The following IMMP2L variants were observed in gnomAD, a reference collection of about 807,000 sequenced individuals.
IMMP2L encodes inner mitochondrial membrane peptidase subunit 2.
Under a neutral mutation model 19.3 loss-of-function variants are expected in IMMP2L, and 18 were observed. The ratio of observed to expected loss-of-function variants is 0.93; its 90% CI spans 0.64 to 1.38. The LOEUF is 1.38. Among genes scored for constraint, IMMP2L ranks in the 40% most tolerant of loss-of-function variants. The probability of loss-of-function intolerance (pLI) is 0.00; values close to 1 mark genes in which losing one functional copy is unlikely to be tolerated. For missense variants in IMMP2L, 233 were observed against 218.2 expected, an observed-to-expected ratio of 1.07 and a Z score of -0.43; for synonymous variants, 76 against 73.0, an observed-to-expected ratio of 1.04 and a Z score of -0.21.
intron 4 of IMMP2L, among the ~76,000 whole-genome samples, chr7:110,914,561 C>T (rs750044167): frequency 6.6e-6 from 1 of 152,128 alleles, no homozygotes; most frequent in Non-Finnish European, 1.5e-5. Context: ...TTCTTTGGGA[C>T]ATCGTCCCCA....
chr7:110,731,433 T>C (rs1796271853), intron 5 of IMMP2L, among the ~76,000 whole-genome samples: 1 of 152,196 alleles, frequency 6.6e-6, no homozygotes, highest in South Asian at 2.1e-4. Flanking sequence ...TTTATTATTG[T>C]TATTATTCCC....
At chr7:111,508,202 CA>C (rs1427866642) in intron 2 of IMMP2L, among the ~76,000 whole-genome samples, 1 of 150,680 alleles carries the variant, frequency 6.6e-6, no homozygotes, top group African/African-American at 2.4e-5. Context: ...AATTCACTGA[CA>C]AAAAAATAAA....
rs190384181 is a variant in IMMP2L at position 110,931,937 on chromosome 7, G to A, written c.305+31563C>T. ...TCGCTACCTTAAATACAGACCCTAT[G>A]TTCTCACAGGACTACATCTTTCTTC... On this transcript the variant is annotated intron_variant, in intron 4 of 5. Transcript: ENST00000405709. Among the ~76,000 whole-genome samples, 106 of 152,150 alleles carry A rather than the reference G, an allele frequency of 7.0e-4. 1 individual carries two copies. The highest frequency in any genetic ancestry group is 2.5e-3 in the African/African-American group (103 of 41,498).
chr7:111,324,529 A>C (rs1450212674), intron 3 of IMMP2L, among the ~76,000 whole-genome samples: 1 of 151,912 alleles, frequency 6.6e-6, no homozygotes. Flanking sequence ...TTGAGAAAAG[A>C]TGCTATAAAA....
chr7:111,225,026 C>A (rs1812927253), intron 3 of IMMP2L, among the ~76,000 whole-genome samples: 2 of 152,106 alleles, frequency 1.3e-5, no homozygotes, highest in South Asian at 4.1e-4. Flanking sequence ...GTTTAAGGAA[C>A]AGCACTCCTG....
intron 2 of IMMP2L, among the ~76,000 whole-genome samples, chr7:111,512,004 CATG>C (rs1195402141): frequency 6.6e-6 from 1 of 152,078 alleles, no homozygotes; most frequent in Non-Finnish European, 1.5e-5. Flanking sequence ...ATAAATGTAC[CATG>C]CCACTCAGCA....
chr7:111,312,005 C>T (rs544624779), intron 3 of IMMP2L, among the ~76,000 whole-genome samples: 31 of 152,230 alleles, frequency 2.0e-4, no homozygotes, highest in South Asian at 4.2e-4. Flanking sequence ...TTCAAGGACA[C>T]TGATGTTCCC....
intron 3 of IMMP2L, among the ~76,000 whole-genome samples, chr7:111,021,181 T>G (rs1336991255): frequency 6.6e-6 from 1 of 152,224 alleles, no homozygotes; most frequent in Non-Finnish European, 1.5e-5. Flanking sequence ...AAAAAGAGAC[T>G]TGAGTTATAG....
rs1345161024 is a variant in IMMP2L at position 111,446,295 on chromosome 7, T to A, written c.239+40943A>T. Among the ~76,000 whole-genome samples, 8 of 149,330 alleles carry A rather than the reference T, an allele frequency of 5.4e-5. No homozygotes were observed. In the East Asian group the frequency reaches 1.4e-3, roughly 25 times the overall value. On this transcript the variant is annotated intron_variant, in intron 3 of 5. Coordinates refer to ENST00000405709, the MANE Select transcript of IMMP2L (RefSeq NM_032549.4). ...AAAGACAGCAGTAACCTCTGCAGAC[T>A]TAAATGTCCCTGTCTGACAGCTTTG...
intron 5 of IMMP2L, among the ~76,000 whole-genome samples, chr7:110,735,533 G>A: frequency 6.6e-6 from 1 of 151,804 alleles, no homozygotes; most frequent in African/African-American, 2.4e-5. Context: ...GGTGGCTTGT[G>A]CCTTTAATCC....
chr7:110,879,414 AT>A (rs1809415945), intron 5 of IMMP2L, among the ~76,000 whole-genome samples: 1 of 151,770 alleles, frequency 6.6e-6, no homozygotes, highest in Admixed American at 6.6e-5. Flanking sequence ...GTATTATTTT[AT>A]ATTTTATACA....
chr7:111,418,222 T>C (rs1175656730), intron 3 of IMMP2L, among the ~76,000 whole-genome samples: 1 of 151,840 alleles, frequency 6.6e-6, no homozygotes, highest in African/African-American at 2.4e-5. Flanking sequence ...GACTTGTATA[T>C]AAATTTGCAT....
At chr7:110,765,500 T>G (rs1798604276) in intron 5 of IMMP2L, among the ~76,000 whole-genome samples, 2 of 152,110 alleles carry the variant, frequency 1.3e-5, no homozygotes. Flanking sequence ...TTCAAAATTT[T>G]TTTTTCTTCG....
intron 5 of IMMP2L, among the ~76,000 whole-genome samples, chr7:110,822,155 T>C (rs1034173081): frequency 6.6e-6 from 1 of 152,108 alleles, no homozygotes; most frequent in Non-Finnish European, 1.5e-5. Context: ...TTCTTTCTTC[T>C]GATCAATGAC....
chr7:110,821,004 A>G (rs1802978100), intron 5 of IMMP2L, among the ~76,000 whole-genome samples: 1 of 152,082 alleles, frequency 6.6e-6, no homozygotes, highest in Non-Finnish European at 1.5e-5. Flanking sequence ...AAAAATATCT[A>G]ATATACACTG....
chr7:111,510,175 G>A (rs909270349), intron 2 of IMMP2L, among the ~76,000 whole-genome samples: 1 of 152,076 alleles, frequency 6.6e-6, no homozygotes, highest in Admixed American at 6.5e-5. Flanking sequence ...AGGAGAAAAG[G>A]TATAATAATG....
chr7:111,269,633 T>G (rs575179964), intron 3 of IMMP2L, among the ~76,000 whole-genome samples: 1 of 151,052 alleles, frequency 6.6e-6, no homozygotes, highest in East Asian at 1.9e-4. Context: ...AATGGTAGTA[T>G]GTATTACAGT....
intron 4 of IMMP2L, among the ~76,000 whole-genome samples, chr7:110,903,315 A>G (rs912024331): frequency 1.3e-5 from 2 of 152,192 alleles, no homozygotes; most frequent in African/African-American, 2.4e-5. Context: ...ATTATTGTTG[A>G]GTATAGGTAC....
intron 3 of IMMP2L, among the ~76,000 whole-genome samples, chr7:111,223,605 A>G (rs1019216874): frequency 1.3e-5 from 2 of 152,122 alleles, no homozygotes; most frequent in African/African-American, 4.8e-5. Context: ...TAATCCTAGC[A>G]TATGATTATA....
Sources: allele counts gnomAD v4.1 joint callset (sites outside exome capture counted in the v4.1 genomes callset), GRCh38; gene constraint gnomAD v4.1.1; transcripts MANE v1.5; gene names NCBI Gene and HGNC (gene_info 2026-07-23, HGNC 2026-07-21).